SH2B2: variants seen among roughly 807,000 people sequenced by gnomAD.
The protein encoded by SH2B2 is SH2B adaptor protein 2.
A neutral mutation model predicts 35.7 loss-of-function variants in SH2B2; 37 were observed. The observed-to-expected ratio is 1.04, with a 90% CI of 0.80 to 1.36. The LOEUF is 1.36. SH2B2 is among the 40% of genes most tolerant of loss of function. The pLI is 0.00. For synonymous variants in SH2B2, 383 were observed against 376.4 expected (o/e 1.02, Z -0.20); for missense variants, 852 against 817.7 (o/e 1.04, Z -0.51).
chr7:102,298,161 G>A (rs1205097958), intron 1 of SH2B2, among the ~76,000 whole-genome samples: 1 of 152,220 alleles, frequency 6.6e-6, no homozygotes, highest in African/African-American at 2.4e-5. Context: ...CCTAGGGGCT[G>A]TGGATAGGGC....
At chr7:102,312,075 CAA>C (rs35504215) in intron 4 of SH2B2, among the ~76,000 whole-genome samples, 6 of 93,280 alleles carry the variant, frequency 6.4e-5, no homozygotes, top group African/African-American at 7.9e-5. Context: ...GACTCAGTCT[CAA>C]AAAAAAAAAA....
intron 1 of SH2B2, among the ~76,000 whole-genome samples, chr7:102,298,123 G>A (rs149503382): frequency 6.6e-6 from 1 of 152,146 alleles, no homozygotes; most frequent in Non-Finnish European, 1.5e-5. Context: ...ATATCCAGAG[G>A]GGTAAACAGA....
rs1209447461 is a variant in SH2B2, at chr7:102,289,089, C to G, written c.-30+1995C>G. Among the ~76,000 whole-genome samples the G allele has an allele frequency of 2.0e-5, 3 of 152,192 alleles. 1 individual carries two copies. Among genetic ancestry groups the G allele is most frequent in the Admixed American group, 2.0e-4 (3 of 15,286 alleles). ...GGCTATGCTCTGTCTAGGGGGATAG[C>G]AGGTGTGACCCCTCAACACGAGGTC... On this transcript the variant is annotated intron_variant, in intron 1 of 8. Coordinates refer to ENST00000444095, the MANE Select transcript of SH2B2 (RefSeq NM_001359228.2).
chr7:102,309,360 T>TTC, intron 4 of SH2B2: 1 of 286,250 alleles, frequency 3.5e-6, no homozygotes, highest in Non-Finnish European at 6.9e-6. Context: ...TCTCTCTTTT[T>TTC]TTTTTTTTTT....
chr7:102,301,573 TGTGTGTGTGCGCGCGC>T (rs1431715930), intron 2 of SH2B2, among the ~76,000 whole-genome samples: 1 of 151,476 alleles, frequency 6.6e-6, no homozygotes. Context: ...TGTGTGTGTG[TGTGTGTGTGCGCGCGC>T]GTGTGTGTGT....
In SH2B2 at chr7:102,294,775, A is replaced by C. The variant is rs1178895723; in HGVS notation, c.-29-5747A>C. On this transcript the variant is annotated intron_variant, in intron 1 of 8. Coordinates refer to ENST00000444095, the MANE Select transcript of SH2B2 (RefSeq NM_001359228.2). ...GGCCTCCCTCTCTCCATCTGTAGCC[A>C]GGTGGGGGCCTCCCTGCTGGCACTG... is the stretch of plus-strand genomic sequence containing the variant. 3.3e-5 allele frequency among the ~76,000 whole-genome samples: 5 copies of C among 152,284 alleles called. No individual in the cohort carries two copies. The East Asian group carries it at 7.7e-4, about 24-fold the overall frequency.
At chr7:102,294,047 TTGAGAC>T (rs1792806024) in intron 1 of SH2B2, among the ~76,000 whole-genome samples, 1 of 152,196 alleles carries the variant, frequency 6.6e-6, no homozygotes, top group Non-Finnish European at 1.5e-5. Flanking sequence ...GTTTGGTTTT[TTGAGAC>T]AGAGTCTCGC....
At chr7:102,309,509 T>C (rs1554555603) in intron 4 of SH2B2, 1 of 321,464 alleles carries the variant, frequency 3.1e-6, no homozygotes, top group Non-Finnish European at 6.2e-6. Flanking sequence ...TACAGGCGCC[T>C]ACCACCATGC....
At chr7:102,312,852 G>A (rs1041538182) in intron 4 of SH2B2, among the ~76,000 whole-genome samples, 13 of 152,138 alleles carry the variant, frequency 8.5e-5, no homozygotes, top group Middle Eastern at 3.4e-3. Flanking sequence ...TCTCAGGGCC[G>A]GGCGCGGTGG....
At chr7:102,316,533 G>C (rs147611064) in intron 6 of SH2B2, among the ~76,000 whole-genome samples, 80 of 151,944 alleles carry the variant, frequency 5.3e-4, no homozygotes, top group Non-Finnish European at 9.7e-4. Flanking sequence ...GTTGCAGTGA[G>C]TCGAGATCAC....
In SH2B2 at chr7:102,300,757, C is replaced by T; in HGVS notation, c.207C>T (p.Phe69=). ...TCTCCCGCCACTTCGCCGCCAACTT[C>T]CTGGACGTCTTCGGCGAGGAGGTGC... is the stretch of plus-strand genomic sequence containing the variant. ...ASFSRHFAAN[F]LDVFGEEVRR... The change falls in exon 2 of 9, where the codon TTC becomes TTT. Residue 69 remains phenylalanine, a synonymous_variant. Coordinates refer to ENST00000444095, the MANE Select transcript of SH2B2 (RefSeq NM_001359228.2). The T allele has an allele frequency of 6.5e-7, 1 of 1,537,068 alleles. No homozygotes were observed. Among genetic ancestry groups the T allele is most frequent in the South Asian group, 1.2e-5 (1 of 83,444 alleles).
Position 102,321,566 on chromosome 7 carries a change from A to C in SH2B2, c.1835A>C (p.Glu612Ala), listed in dbSNP as rs1794088048. Residue 612 changes from glutamate (E) to alanine (A), a missense_variant, in exon 9 of 9, where the codon GAG (glutamate) becomes GCG (alanine). Around this residue, in one of 3 missense-constraint regions of SH2B2, gnomAD observed 556 missense variants for 514.5 expected, o/e 1.08. Transcript: ENST00000444095. ...LLEAVAATAA[E>A]EPPEAAPGRA... ...GAGGCCGTGGCCGCCACCGCCGCCG[A>C]GGAGCCCCCGGAGGCCGCGCCCGGC... 1.7e-6 allele frequency: 2 copies of C among 1,156,736 alleles called. No individual in the cohort carries two copies. Among genetic ancestry groups the C allele is most frequent in the African/African-American group, 3.3e-5 (2 of 61,168 alleles). 71.7% of individuals were successfully genotyped at this position (1,156,736 alleles called of 1,614,324 possible). A position where few individuals can be genotyped will look rare whatever the true frequency, so the allele number is the denominator to read the frequency against.
intron 2 of SH2B2, among the ~76,000 whole-genome samples, chr7:102,302,714 G>A (rs2132964624): frequency 6.6e-6 from 1 of 152,360 alleles, no homozygotes; most frequent in Non-Finnish European, 1.5e-5. Flanking sequence ...GCTCAGAGAG[G>A]GAAGTGTGGC....
chr7:102,290,110 C>T (rs1792618057), intron 1 of SH2B2, among the ~76,000 whole-genome samples: 1 of 141,108 alleles, frequency 7.1e-6, no homozygotes, highest in Admixed American at 7.1e-5. Flanking sequence ...CTCAGAGTGC[C>T]CCATCCTCTA....
At chr7:102,301,376 G>T in intron 2 of SH2B2, 97 bp downstream of exon 2, 1 of 1,374,046 alleles carries the variant, frequency 7.3e-7, no homozygotes, top group Non-Finnish European at 9.6e-7. Context: ...GGACCGCGTG[G>T]TCTAATCTGG....
chr7:102,312,900 T>C (rs1280533271), intron 4 of SH2B2, among the ~76,000 whole-genome samples: 1 of 150,358 alleles, frequency 6.7e-6, no homozygotes, highest in African/African-American at 2.4e-5. Flanking sequence ...AAGGCCAAGG[T>C]GGGCGGATCA....
At chr7:102,303,491 C>T (rs1316262914) in intron 2 of SH2B2, among the ~76,000 whole-genome samples, 3 of 152,156 alleles carry the variant, frequency 2.0e-5, no homozygotes, top group Non-Finnish European at 4.4e-5. Context: ...GGGGTGTGGG[C>T]TCCCCAAGGC....
intron 1 of SH2B2, among the ~76,000 whole-genome samples, chr7:102,287,709 C>A (rs1792510323): frequency 6.6e-6 from 1 of 152,176 alleles, no homozygotes; most frequent in African/African-American, 2.4e-5. Flanking sequence ...TCCATTCAGG[C>A]CCTTGGGCCT....
chr7:102,321,191 A>G lies in SH2B2; in HGVS notation c.1568-108A>G, dbSNP rs894428450. The G allele has an allele frequency of 6.7e-5, 67 of 1,001,000 alleles. No individual in the cohort carries two copies. The Middle Eastern group carries it at 2.2e-3, about 33-fold the overall frequency. The allele number at this position is 1,001,000 out of a possible 1,614,324, so 62.0% of individuals were successfully genotyped here. On this transcript the variant is annotated intron_variant, in intron 8 of 8. Coordinates refer to ENST00000444095, the MANE Select transcript of SH2B2 (RefSeq NM_001359228.2). ...ATATGTGTCCGAGGACATGGGCTGC[A>G]ACTCGGAAACCTGAGCGTGGGCCCT...
Sources: gnomAD v4.1 joint callset for allele counts (sites outside exome capture counted in the v4.1 genomes callset) on GRCh38, gnomAD v4.1.1 for gene constraint, gnomAD v4.1.1 regional missense constraint, MANE v1.5 for transcripts, NCBI Gene and HGNC (gene_info 2026-07-23, HGNC 2026-07-21) for gene names.